The following FSIP2 variants were observed in gnomAD, a reference collection of about 807,000 sequenced individuals.
FSIP2 encodes the protein fibrous sheath interacting protein 2, also known as fibrous sheath-interacting protein 2.
FSIP2 carries 367 observed loss-of-function variants against 510.5 expected under a neutral mutation model. The observed-to-expected ratio is 0.72, with a 90% CI of 0.66 to 0.78. The LOEUF (loss-of-function observed/expected upper bound fraction) is 0.78, where lower values mean the gene tolerates loss of function less well. Among genes scored for constraint, FSIP2 ranks in the 30% least tolerant of loss-of-function variants. The pLI is 0.00. For missense variants in FSIP2, 7,594 were observed against 7,901.7 expected (o/e 0.96, Z 1.48); for synonymous variants, 2,601 against 2,732.2 (o/e 0.95, Z 1.50).
At chr2:185,783,455 AC>A (rs1435625686) in intron 14 of FSIP2, among the ~76,000 whole-genome samples, 1 of 152,192 alleles carries the variant, frequency 6.6e-6, no homozygotes, top group Non-Finnish European at 1.5e-5. Context: ...TCTAGGATAG[AC>A]TTTACAAACC....
At chr2:185,818,040 G>C (rs2105673770) in intron 19 of FSIP2, among the ~76,000 whole-genome samples, 1 of 151,888 alleles carries the variant, frequency 6.6e-6, no homozygotes, top group East Asian at 2.0e-4. Context: ...TGAGGTGATG[G>C]ATACCCCAAT....
upstream of FSIP2, chr2:185,738,619 C>T: frequency 6.5e-7 from 1 of 1,535,948 alleles, no homozygotes; most frequent in African/African-American, 1.4e-5. Flanking sequence ...GTGATGGTTT[C>T]AGAGAAAGAT....
At chr2:185,756,142 T>C (rs1016981913) in intron 8 of FSIP2, 50 bp from the exon 9 acceptor site, 3 of 727,958 alleles carry the variant, frequency 4.1e-6, no homozygotes, top group Admixed American at 2.8e-5. Flanking sequence ...TCTTGGGTAA[T>C]TCTGTCATCA....
intron 3 of FSIP2, among the ~76,000 whole-genome samples, chr2:185,743,592 T>C (rs913657507): frequency 6.6e-6 from 1 of 152,208 alleles, no homozygotes; most frequent in Admixed American, 6.5e-5. Flanking sequence ...TAGCCTTCTT[T>C]CTCTGTCTTT....
At chr2:185,826,749 T>C (rs1694017820) in intron 20 of FSIP2, among the ~76,000 whole-genome samples, 1 of 151,770 alleles carries the variant, frequency 6.6e-6, no homozygotes, top group Non-Finnish European at 1.5e-5. Context: ...ATTAATGAGA[T>C]AGGAGAGACT....
At chr2:185,753,906 CTTGTGT>C in intron 8 of FSIP2, 64 bp downstream of exon 8, 1 of 1,131,410 alleles carries the variant, frequency 8.8e-7, no homozygotes, top group Non-Finnish European at 1.2e-6. Flanking sequence ...TGTAAAAATC[CTTGTGT>C]AATACTCTGT....
intron 19 of FSIP2, among the ~76,000 whole-genome samples, chr2:185,823,802 T>C (rs536098091): frequency 1.3e-5 from 2 of 151,826 alleles, no homozygotes; most frequent in South Asian, 2.1e-4. Flanking sequence ...TTATTCACCA[T>C]AGACAAATGA....
chr2:185,773,112 T>A (rs982286648), intron 13 of FSIP2, among the ~76,000 whole-genome samples: 2 of 152,118 alleles, frequency 1.3e-5, no homozygotes, highest in East Asian at 3.9e-4. Context: ...TCTATCTGCC[T>A]CAGCCTCCCA....
rs551380256 is a variant in FSIP2, at chr2:185,780,405, TTTAG to T, written c.1412-2296_1412-2293del. Among the ~76,000 whole-genome samples, 314 of 151,898 alleles carry T rather than the reference TTTAG, an allele frequency of 2.1e-3. 2 individuals carry two copies. Among genetic ancestry groups the T allele is most frequent in the African/African-American group, 6.7e-3 (280 of 41,530 alleles). Reference sequence around the variant, plus strand: ...TGTTCTCTAGTTCGCTAATTCTCTCTTTAGTTATTTAGTTTTTCTATATAGTTTA... The same window carrying T: ...TGTTCTCTAGTTCGCTAATTCTCTCTTTATTTAGTTTTTCTATATAGTTTA... On this transcript the variant is annotated intron_variant, in intron 13 of 22. Coordinates refer to ENST00000424728, the MANE Select transcript of FSIP2 (RefSeq NM_173651.4).
chr2:185,756,586 C>T (rs1692251506), intron 9 of FSIP2, among the ~76,000 whole-genome samples: 1 of 151,374 alleles, frequency 6.6e-6, no homozygotes, highest in Non-Finnish European at 1.5e-5. Flanking sequence ...TATTTTTGCT[C>T]AAAATAATCT....
intron 8 of FSIP2, among the ~76,000 whole-genome samples, chr2:185,755,114 G>A (rs1692218561): frequency 6.6e-6 from 1 of 151,352 alleles, no homozygotes; most frequent in Admixed American, 6.6e-5. Flanking sequence ...TAAATTACAT[G>A]CCAAAAAGTC....
chr2:185,805,925 C>G lies in FSIP2; in HGVS notation c.16619C>G (p.Thr5540Ser). 1 of 1,594,696 alleles carries G rather than the reference C, an allele frequency of 6.3e-7. No individual in the cohort carries two copies. The highest frequency in any genetic ancestry group is 8.5e-7 in the Non-Finnish European group (1 of 1,174,052). The stretch of plus-strand genomic sequence containing the variant: ...CATAGTGAGAATGTATCAAAAGTTA[C>G]TTCAACTACCACTGTGAAAAGTAAA... ...QKHSENVSKV[T>S]STTTVKSKDT... Residue 5540 changes from threonine (T) to serine (S), a missense_variant, in exon 17 of 23, where the codon ACT becomes AGT. Coordinates refer to ENST00000424728, the MANE Select transcript of FSIP2 (RefSeq NM_173651.4).
chr2:185,751,486 T>TCTGTGCGC (rs1692146403), intron 7 of FSIP2, among the ~76,000 whole-genome samples: 1 of 149,566 alleles, frequency 6.7e-6, no homozygotes, highest in Non-Finnish European at 1.5e-5. Context: ...TGTGTGTGTG[T>TCTGTGCGC]GTGTGTGTGT....
rs1339770261 is a variant in FSIP2 at position 185,764,501 on chromosome 2, G to A, written c.1348-1G>A. ...TTGTTTTGCTGTTGTGAATTATGTA[G>A]AAGGAGACAAATGCTGATTGGGATG... On this transcript the variant is annotated splice_acceptor_variant, in intron 12 of 22. Transcript: ENST00000424728. LOFTEE classifies it high-confidence loss of function. The A allele has an allele frequency of 6.5e-7, 1 of 1,527,276 alleles. No individual in the cohort carries two copies. Among genetic ancestry groups the A allele is most frequent in the Admixed American group, 2.0e-5 (1 of 50,532 alleles). 94.6% of individuals were successfully genotyped at this position (1,527,276 alleles called of 1,614,324 possible).
chr2:185,783,824 A>AT (rs1397259751), intron 14 of FSIP2: 4 of 152,158 alleles, frequency 2.6e-5, no homozygotes, highest in South Asian at 2.1e-4. Flanking sequence ...TAATAACTGC[A>AT]TTTTTTATCT....
intron 17 of FSIP2, among the ~76,000 whole-genome samples, chr2:185,809,840 A>G (rs1693688783): frequency 6.6e-6 from 1 of 151,918 alleles, no homozygotes; most frequent in African/African-American, 2.4e-5. Context: ...CCCCATACTC[A>G]GCTCCCAAAT....
chr2:185,815,255 C>A, intron 18 of FSIP2, 116 bp from the exon 19 acceptor site: 1 of 606,694 alleles, frequency 1.6e-6, no homozygotes, highest in East Asian at 3.1e-5. Context: ...CATCTTTTAA[C>A]TAATCTCTGG....
In FSIP2 at chr2:185,796,097, AATTGTTCAAG is replaced by A. The variant is rs1693267238; in HGVS notation, c.8963_8972del (p.Ile2988ArgfsTer3). 1 of 1,533,584 alleles carries A rather than the reference AATTGTTCAAG, an allele frequency of 6.5e-7. No individual in the cohort carries two copies. The highest frequency in any genetic ancestry group is 1.2e-5 in the South Asian group (1 of 83,458). The allele number at this position is 1,533,584 out of a possible 1,614,324, so 95.0% of individuals were successfully genotyped here. ...AAATTTCTGTGGGCTCCAGCAACCA[AATTGTTCAAG>A]AGATTGTAGAAACGGTTTTAAACAT... On this transcript the variant is annotated frameshift_variant, in exon 16 of 23. Coordinates refer to ENST00000424728, the MANE Select transcript of FSIP2 (RefSeq NM_173651.4). LOFTEE classifies it high-confidence loss of function.
At chr2:185,780,497 A>G (rs1310975860) in intron 13 of FSIP2, among the ~76,000 whole-genome samples, 1 of 151,502 alleles carries the variant, frequency 6.6e-6, no homozygotes, top group Non-Finnish European at 1.5e-5. Flanking sequence ...ATAAAATACA[A>G]TTTCTAAATA....
Sources: allele counts gnomAD v4.1 joint callset (sites outside exome capture counted in the v4.1 genomes callset), GRCh38; gene constraint gnomAD v4.1.1; transcripts MANE v1.5; gene names NCBI Gene and HGNC (gene_info 2026-07-23, HGNC 2026-07-21).